Variants in ZNF420 observed in about 807,000 individuals in gnomAD.
The protein encoded by ZNF420 is zinc finger protein 420.
A neutral mutation model predicts 44.7 loss-of-function variants in ZNF420; 31 were observed. That is an observed-to-expected ratio of 0.69 (90% CI 0.52 to 0.94). The LOEUF (loss-of-function observed/expected upper bound fraction) is 0.94, where lower values mean the gene tolerates loss of function less well. ZNF420 is among the 40% of genes least tolerant of loss of function. ZNF420 has a pLI of 0.00. For synonymous variants in ZNF420, 245 were observed against 267.4 expected, an observed-to-expected ratio of 0.92 and a Z score of 0.82; for missense variants, 681 against 827.9, an observed-to-expected ratio of 0.82 and a Z score of 2.18.
chr19:37,011,735 G>A (rs2074570684), intron 1 of ZNF420, among the ~76,000 whole-genome samples: 1 of 152,088 alleles, frequency 6.6e-6, no homozygotes, highest in Non-Finnish European at 1.5e-5. Flanking sequence ...ACCATTGTTC[G>A]TCTCGCCATC....
In ZNF420 at chr19:37,129,580, T is replaced by A. The variant is rs1599737506; in HGVS notation, c.*522T>A. 6.3e-6 allele frequency: 1 copy of A among 158,700 alleles called. No individual in the cohort carries two copies. The highest frequency in any genetic ancestry group is 2.4e-5 in the African/African-American group (1 of 41,546). 9.8% of individuals were successfully genotyped at this position (158,700 alleles called of 1,614,324 possible). On this transcript the variant is annotated 3_prime_UTR_variant, in exon 5 of 5. Transcript: ENST00000337995. Reference sequence around the variant, plus strand: ...GGAGAGTACTTATGAGTATAATGAATATTGAGAAATCTTTTATCAACACAT... The same window carrying A: ...GGAGAGTACTTATGAGTATAATGAAAATTGAGAAATCTTTTATCAACACAT...
intron 4 of ZNF420, among the ~76,000 whole-genome samples, chr19:37,099,884 A>G (rs1445914578): frequency 1.3e-5 from 2 of 152,086 alleles, no homozygotes; most frequent in Non-Finnish European, 2.9e-5. Flanking sequence ...GGGCCCCCCA[A>G]AGAGCTGGGA....
At chr19:37,059,817 T>A (rs1967838513) in intron 1 of ZNF420, among the ~76,000 whole-genome samples, 1 of 151,978 alleles carries the variant, frequency 6.6e-6, no homozygotes, top group East Asian at 1.9e-4. Context: ...TCTCTCACTC[T>A]ATCTCTGTGT....
Position 37,091,185 on chromosome 19 carries a change from T to C in ZNF420, c.136+64T>C, listed in dbSNP as rs145680952. 676 of 1,427,486 alleles carry C rather than the reference T, an allele frequency of 4.7e-4. 5 individuals carry two copies. The African/African-American group carries it at 6.6e-3, about 14-fold the overall frequency. The allele number at this position is 1,427,486 out of a possible 1,614,324, so 88.4% of individuals were successfully genotyped here. On this transcript the variant is annotated intron_variant, in intron 4 of 4. Coordinates refer to ENST00000337995, the MANE Select transcript of ZNF420 (RefSeq NM_144689.5). The stretch of plus-strand genomic sequence containing the variant: ...GGATTGGCTGCTTTCTCTGCTGTTA[T>C]TTCAAATTTCCTTTTTAAGTAATTA...
At chr19:37,070,955 G>A (rs887024642) in intron 1 of ZNF420, among the ~76,000 whole-genome samples, 4 of 152,120 alleles carry the variant, frequency 2.6e-5, no homozygotes, top group Admixed American at 1.3e-4. Context: ...GAACACACTC[G>A]TTCTTTTACA....
chr19:37,113,461 G>A (rs992217683), intron 4 of ZNF420, among the ~76,000 whole-genome samples: 4 of 152,126 alleles, frequency 2.6e-5, no homozygotes, highest in African/African-American at 9.7e-5. Context: ...TGATCCCACT[G>A]GGACCTTTCC....
At chr19:37,116,325 CACCACTGCACTTCAGCCTGGGCA>C (rs1281255496) in intron 4 of ZNF420, among the ~76,000 whole-genome samples, 1 of 142,624 alleles carries the variant, frequency 7.0e-6, no homozygotes, top group Non-Finnish European at 1.5e-5. Context: ...ACCGAGATCA[CACCACTGCACTTCAGCCTGGGCA>C]ACAGAGCAGG....
At chr19:37,110,689 A>G (rs1412666869) in intron 4 of ZNF420, among the ~76,000 whole-genome samples, 1 of 149,008 alleles carries the variant, frequency 6.7e-6, no homozygotes, top group South Asian at 2.1e-4. Flanking sequence ...TCAAAATCTT[A>G]TAACACTGTA....
intron 4 of ZNF420, among the ~76,000 whole-genome samples, chr19:37,096,665 C>G (rs1486771620): frequency 1.3e-5 from 2 of 152,130 alleles, no homozygotes; most frequent in Non-Finnish European, 2.9e-5. Flanking sequence ...CATATTTACT[C>G]CATCTACTTT....
In ZNF420 at chr19:37,028,660, G is replaced by A. The variant is rs145367320; in HGVS notation, c.-125+20578G>A. On this transcript the variant is annotated intron_variant, in intron 1 of 4. Coordinates refer to the ZNF420 transcript ENST00000587029. ...ATTACTGAGAAATTTCTGTATTCTG[G>A]GCCACACTGGGTTCATAATCTGACT... 3.4e-4 allele frequency among the ~76,000 whole-genome samples: 52 copies of A among 152,104 alleles called. No individual in the cohort carries two copies. In the East Asian group the frequency reaches 8.1e-3, roughly 24 times the overall value.
At chr19:37,095,771 T>G (rs1269678719) in intron 4 of ZNF420, among the ~76,000 whole-genome samples, 1 of 151,952 alleles carries the variant, frequency 6.6e-6, no homozygotes, top group African/African-American at 2.4e-5. Context: ...GCTTATTTTT[T>G]AATTTTTAGT....
chr19:37,105,726 A>G (rs1970041547), intron 4 of ZNF420, among the ~76,000 whole-genome samples: 1 of 152,152 alleles, frequency 6.6e-6, no homozygotes. Flanking sequence ...AGTGGTTTGT[A>G]GTTCTCCTTG....
At chr19:37,073,793 A>G (rs10404229), upstream of ZNF420, among the ~76,000 whole-genome samples, 2 of 151,472 alleles carry the variant, frequency 1.3e-5, no homozygotes, top group Non-Finnish European at 2.9e-5. Flanking sequence ...AAGAAAAAGG[A>G]AAAAAAAGAA....
intron 1 of ZNF420, among the ~76,000 whole-genome samples, chr19:37,014,677 T>C (rs959225643): frequency 2.0e-5 from 3 of 152,228 alleles, no homozygotes; most frequent in Non-Finnish European, 4.4e-5. Flanking sequence ...ACAATGCGCA[T>C]GCACCAAACG....
chr19:37,120,131 C>T (rs988637934), intron 4 of ZNF420, among the ~76,000 whole-genome samples: 8 of 152,186 alleles, frequency 5.3e-5, no homozygotes, highest in African/African-American at 1.7e-4. Flanking sequence ...ATGAGGCCAG[C>T]ATCATCCTGA....
At chr19:37,097,644 A>G (rs1329850942) in intron 4 of ZNF420, among the ~76,000 whole-genome samples, 1 of 152,208 alleles carries the variant, frequency 6.6e-6, no homozygotes, top group African/African-American at 2.4e-5. Context: ...AGAATATATT[A>G]AAAATTTTTT....
At chr19:37,014,434 C>T (rs952160920) in intron 1 of ZNF420, among the ~76,000 whole-genome samples, 4 of 152,170 alleles carry the variant, frequency 2.6e-5, no homozygotes, top group African/African-American at 7.2e-5. Flanking sequence ...AATCCGGAAT[C>T]GGAGCAGAAG....
intron 1 of ZNF420, among the ~76,000 whole-genome samples, chr19:37,047,196 A>G (rs533871748): frequency 3.4e-4 from 52 of 152,378 alleles, no homozygotes; most frequent in Admixed American, 1.0e-3. Flanking sequence ...ATAGGGTGCT[A>G]TGGTCTGAAT....
chr19:37,012,760 A>ATGTG (rs780627236), intron 1 of ZNF420, among the ~76,000 whole-genome samples: 1,415 of 101,960 alleles, frequency 0.014, 20 homozygotes, highest in Admixed American at 0.018. Context: ...CCACTGCTAT[A>ATGTG]TGTCTCTGTG....
Sources: allele counts gnomAD v4.1 joint callset (sites outside exome capture counted in the v4.1 genomes callset), GRCh38; gene constraint gnomAD v4.1.1; transcripts MANE v1.5; gene names NCBI Gene and HGNC (gene_info 2026-07-23, HGNC 2026-07-21).